PPIP5K2: variants seen among roughly 807,000 people sequenced by gnomAD.
PPIP5K2 encodes inositol hexakisphosphate and diphosphoinositol-pentakisphosphate kinase 2.
A neutral mutation model predicts 154.6 loss-of-function variants in PPIP5K2; 105 were observed. The observed-to-expected ratio is 0.68, with a 90% CI of 0.58 to 0.80. PPIP5K2 has a LOEUF of 0.80. Among genes scored for constraint, PPIP5K2 ranks in the 30% least tolerant of loss-of-function variants. The pLI is 0.00. For synonymous variants in PPIP5K2, 480 were observed against 490.3 expected, an observed-to-expected ratio of 0.98 and a Z score of 0.28; for missense variants, 992 against 1,504.6, an observed-to-expected ratio of 0.66 and a Z score of 5.64.
intron 17 of PPIP5K2, among the ~76,000 whole-genome samples, chr5:103,164,721 A>G (rs1796875997): frequency 6.6e-6 from 1 of 152,034 alleles, no homozygotes; most frequent in Non-Finnish European, 1.5e-5. Flanking sequence ...CCTTCAGTGG[A>G]TATATTGGTC....
chr5:103,186,807 G>C (rs1466283856), intron 27 of PPIP5K2, among the ~76,000 whole-genome samples: 2 of 152,080 alleles, frequency 1.3e-5, no homozygotes, highest in Admixed American at 1.3e-4. Context: ...TAAAGTGAGT[G>C]GAATGTTTAT....
At chr5:103,170,445 A>AT (rs1178866530) in intron 19 of PPIP5K2, among the ~76,000 whole-genome samples, 1 of 151,536 alleles carries the variant, frequency 6.6e-6, no homozygotes, top group African/African-American at 2.4e-5. Context: ...CGGATAAGTT[A>AT]TTTTTTAAAT....
chr5:103,136,694 G>C, intron 3 of PPIP5K2, 38 bp from the exon 4 acceptor site: 1 of 1,503,316 alleles, frequency 6.7e-7, no homozygotes, highest in Non-Finnish European at 9.3e-7. Context: ...TGCTTATCTT[G>C]AGATAATACA....
At position 103,201,591 on chromosome 5, in the gene PPIP5K2, C is replaced by T. The variant is rs1047924873; in HGVS notation, c.3689C>T (p.Thr1230Ile). ...SSRKKNITSKTETHEHKKNTG... is the reference protein window; with the variant it reads ...SSRKKNITSKIETHEHKKNTG... The stretch of plus-strand genomic sequence containing the variant: ...CGGAAAAAGAATATAACTAGCAAAA[C>T]AGAAACGCATGAACACAAAAAAAAC... Residue 1230 changes from threonine (T) to isoleucine (I), a missense_variant, in exon 31 of 31, where the codon ACA becomes ATA. By Grantham distance (89) the Thr-to-Ile change is moderately conservative (BLOSUM62 -1). Coordinates refer to ENST00000358359, the MANE Select transcript of PPIP5K2 (RefSeq NM_001276277.3). 2.5e-6 allele frequency: 4 copies of T among 1,608,866 alleles called. No individual in the cohort carries two copies. The highest frequency in any genetic ancestry group is 1.7e-6 in the Non-Finnish European group (2 of 1,177,870).
chr5:103,173,129 T>C (rs1554219972), intron 19 of PPIP5K2, 26 bp from the exon 20 acceptor site: 1 of 1,556,236 alleles, frequency 6.4e-7, no homozygotes, highest in East Asian at 2.3e-5. Context: ...ATATCCTTTT[T>C]CTAATGTCAT....
chr5:103,135,916 TCATATATTTTGAG>T (rs1435600413), intron 3 of PPIP5K2: 1 of 151,512 alleles, frequency 6.6e-6, no homozygotes, highest in African/African-American at 2.4e-5. Context: ...ATGATTCTGC[TCATATATTTTGAG>T]CATATATGTC....
Position 103,167,340 on chromosome 5 carries a change from A to G in PPIP5K2, c.2062+20A>G, listed in dbSNP as rs531756869. 2.0e-6 allele frequency: 3 copies of G among 1,512,154 alleles called. No individual in the cohort carries two copies. Among genetic ancestry groups the G allele is most frequent in the Middle Eastern group, 1.8e-4 (1 of 5,596 alleles). The allele number at this position is 1,512,154 out of a possible 1,614,324, so 93.7% of individuals were successfully genotyped here. A position where few individuals can be genotyped will look rare whatever the true frequency, so the allele number is the denominator to read the frequency against. On this transcript the variant is annotated intron_variant, in intron 18 of 30. Coordinates refer to ENST00000358359, the MANE Select transcript of PPIP5K2 (RefSeq NM_001276277.3). ...CATCAGGTAAATATGTTTTTCTTAG[A>G]GCATAGAACAAATAAAAGTTACTAT... is the stretch of plus-strand genomic sequence containing the variant.
rs2149784471 is a variant in PPIP5K2, at chr5:103,187,258, A to T, written c.3290-56A>T. The T allele has an allele frequency of 8.3e-6, 11 of 1,326,226 alleles. No homozygotes were observed. The South Asian group carries it at 1.3e-4, about 15-fold the overall frequency. The allele number at this position is 1,326,226 out of a possible 1,614,324, so 82.2% of individuals were successfully genotyped here. On this transcript the variant is annotated intron_variant, in intron 27 of 30. Coordinates refer to ENST00000358359, the MANE Select transcript of PPIP5K2 (RefSeq NM_001276277.3). ...TATTTGTTTTTCCCCTCTTTCTTTTAAGTGTTCTTTTTGTAGCTGTTACGA... is the reference window on the plus strand; with the variant it reads ...TATTTGTTTTTCCCCTCTTTCTTTTTAGTGTTCTTTTTGTAGCTGTTACGA...
At chr5:103,192,618 T>C (rs1296453862) in intron 29 of PPIP5K2, among the ~76,000 whole-genome samples, 22 of 152,272 alleles carry the variant, frequency 1.4e-4, no homozygotes, top group African/African-American at 5.1e-4. Flanking sequence ...TATGAAAGGA[T>C]AATTTTAGTA....
At chr5:103,151,228 A>T (rs781873509) in intron 8 of PPIP5K2, 25 bp from the exon 9 acceptor site, 7 of 1,559,520 alleles carry the variant, frequency 4.5e-6, no homozygotes, top group Non-Finnish European at 5.2e-6. Context: ...ATAAAACCTT[A>T]AAGTTTATAA....
chr5:103,142,644 C>T (rs1554207549), intron 5 of PPIP5K2, among the ~76,000 whole-genome samples: 2 of 152,048 alleles, frequency 1.3e-5, no homozygotes, highest in Admixed American at 1.3e-4. Context: ...GGTGTGGTGG[C>T]GGGCGCCTGT....
At chr5:103,122,557 G>T (rs1391387233) in intron 1 of PPIP5K2, among the ~76,000 whole-genome samples, 1 of 152,182 alleles carries the variant, frequency 6.6e-6, no homozygotes, top group Non-Finnish European at 1.5e-5. Flanking sequence ...TTATAAATGA[G>T]CCAGGTTGCC....
chr5:103,144,769 G>A (rs1793451387), intron 5 of PPIP5K2, among the ~76,000 whole-genome samples: 2 of 152,018 alleles, frequency 1.3e-5, no homozygotes, highest in African/African-American at 2.4e-5. Context: ...AATCAAAATG[G>A]ATTAAATACT....
Position 103,211,047 on chromosome 5 carries a change from G to T in PPIP5K2, c.*9413G>T, listed in dbSNP as rs528234219. The T allele has an allele frequency of 2.0e-5, 3 of 152,056 alleles. No individual in the cohort carries two copies. The highest frequency in any genetic ancestry group is 2.0e-4 in the Admixed American group (3 of 15,254). 9.4% of individuals were successfully genotyped at this position (152,056 alleles called of 1,614,324 possible). A position where few individuals can be genotyped will look rare whatever the true frequency, so the allele number is the denominator to read the frequency against. Reference sequence around the variant, plus strand: ...AATCTGAGTGTATAGGATGTGTTTCGTGTTCCCACTGCATATGCATTATTA... The same window carrying T: ...AATCTGAGTGTATAGGATGTGTTTCTTGTTCCCACTGCATATGCATTATTA... On this transcript the variant is annotated 3_prime_UTR_variant, in exon 31 of 31. Coordinates refer to ENST00000358359, the MANE Select transcript of PPIP5K2 (RefSeq NM_001276277.3).
At chr5:103,142,328 G>A (rs1554207217) in intron 5 of PPIP5K2, among the ~76,000 whole-genome samples, 1 of 152,126 alleles carries the variant, frequency 6.6e-6, no homozygotes, top group Non-Finnish European at 1.5e-5. Flanking sequence ...CTCCGAGTGC[G>A]GGGCCCGCCA....
In PPIP5K2 at chr5:103,159,218, CTT is replaced by C; in HGVS notation, c.1813_1814del (p.Leu605GlyfsTer2). On this transcript the variant is annotated frameshift_variant, in exon 17 of 31. Transcript: ENST00000358359. LOFTEE classifies it high-confidence loss of function. ...QMVKSANMNGLLDSDSDSLSS... is the reference protein window; with the variant it reads ...QMVKSANMNGXLDSDSDSLSS... Reference sequence around the variant, plus strand: ...GGTGAAAAGTGCAAATATGAACGGTCTTTTGGATAGTGATAGTGACTCTCTGA... The same window carrying C: ...GGTGAAAAGTGCAAATATGAACGGTCTTGGATAGTGATAGTGACTCTCTGA... 6.2e-7 allele frequency: 1 copy of C among 1,611,920 alleles called. No individual in the cohort carries two copies.
intron 3 of PPIP5K2, among the ~76,000 whole-genome samples, chr5:103,135,704 C>T (rs1791367782): frequency 6.6e-6 from 1 of 151,840 alleles, no homozygotes; most frequent in Non-Finnish European, 1.5e-5. Flanking sequence ...AGTACTGGGA[C>T]AGGCAAGAGC....
At chr5:103,192,254 C>T (rs545397516) in intron 29 of PPIP5K2, among the ~76,000 whole-genome samples, 29 of 152,042 alleles carry the variant, frequency 1.9e-4, no homozygotes, top group African/African-American at 6.7e-4. Context: ...TAAATGTGTC[C>T]GATTATGAGA....
At position 103,155,700 on chromosome 5, in the gene PPIP5K2, A is replaced by G. The variant is rs145710126; in HGVS notation, c.1404-209A>G. 8.7e-4 allele frequency among the ~76,000 whole-genome samples: 133 copies of G among 152,094 alleles called. 1 individual carries two copies. Among genetic ancestry groups the G allele is most frequent in the African/African-American group, 3.1e-3 (130 of 41,544 alleles). The stretch of plus-strand genomic sequence containing the variant: ...CTCGGCCTCCCAAAGTGCTGGGATT[A>G]CAGGCTTGAGCCATGGCACCCACGC... On this transcript the variant is annotated intron_variant, in intron 13 of 30. Transcript: ENST00000358359.
Sources: allele counts gnomAD v4.1 joint callset (sites outside exome capture counted in the v4.1 genomes callset), GRCh38; gene constraint gnomAD v4.1.1; transcripts MANE v1.5; gene names NCBI Gene and HGNC (gene_info 2026-07-23, HGNC 2026-07-21).